UNC5B: variants seen among roughly 807,000 people sequenced by gnomAD.
UNC5B encodes the protein netrin receptor UNC5B.
Under a neutral mutation model 103.7 loss-of-function variants are expected in UNC5B, and 56 were observed. That is an observed-to-expected ratio of 0.54 (90% confidence interval 0.44 to 0.67). UNC5B has a LOEUF of 0.67. Among genes scored for constraint, UNC5B ranks in the 30% least tolerant of loss-of-function variants. The pLI is 0.00. For missense variants in UNC5B, 1,194 were observed against 1,284.5 expected, an observed-to-expected ratio of 0.93 and a Z score of 1.08; for synonymous variants, 577 against 542.0, an observed-to-expected ratio of 1.06 and a Z score of -0.90.
chr10:71,275,407 A>G (rs1432829639), intron 1 of UNC5B, among the ~76,000 whole-genome samples: 2 of 152,240 alleles, frequency 1.3e-5, no homozygotes, highest in Non-Finnish European at 2.9e-5. Context: ...CCAGGGAGGC[A>G]GGGCTGAGAG....
chr10:71,255,976 G>A (rs1361665613), intron 1 of UNC5B, among the ~76,000 whole-genome samples: 2 of 152,210 alleles, frequency 1.3e-5, no homozygotes, highest in African/African-American at 4.8e-5. Flanking sequence ...CATACGCCCT[G>A]GCAGGCTCCG....
intron 1 of UNC5B, among the ~76,000 whole-genome samples, chr10:71,264,648 G>A (rs1047981070): frequency 1.3e-5 from 2 of 152,198 alleles, no homozygotes; most frequent in South Asian, 2.1e-4. Flanking sequence ...TATTTCTGTC[G>A]GGAGGCAAGA....
chr10:71,288,976 A>AC lies in UNC5B; in HGVS notation c.1089dup (p.Asn364GlnfsTer42), dbSNP rs1564511216. 1 of 1,613,608 alleles carries AC rather than the reference A, an allele frequency of 6.2e-7. No individual in the cohort carries two copies. The highest frequency in any genetic ancestry group is 1.3e-5 in the African/African-American group (1 of 74,730). ...TTGACAGATAAGAAAACTCTAAGCG[A>AC]CCCCAACAGCCACCGTAAGTCCCAT... is the stretch of plus-strand genomic sequence containing the variant. On this transcript the variant is annotated frameshift_variant, in exon 8 of 17. Coordinates refer to ENST00000335350, the MANE Select transcript of UNC5B (RefSeq NM_170744.5). LOFTEE classifies it high-confidence loss of function.
At chr10:71,242,893 A>G (rs1381506866) in intron 1 of UNC5B, among the ~76,000 whole-genome samples, 1 of 152,102 alleles carries the variant, frequency 6.6e-6, no homozygotes, top group Non-Finnish European at 1.5e-5. Flanking sequence ...GCCTTCCAGC[A>G]GGTGGGGCCA....
chr10:71,246,501 C>G (rs1844041337), intron 1 of UNC5B, among the ~76,000 whole-genome samples: 1 of 151,982 alleles, frequency 6.6e-6, no homozygotes, highest in Non-Finnish European at 1.5e-5. Context: ...AGCTGTGGGT[C>G]AGAGTCCTAC....
intron 1 of UNC5B, among the ~76,000 whole-genome samples, chr10:71,262,826 C>A (rs1462226610): frequency 6.6e-6 from 1 of 152,178 alleles, no homozygotes; most frequent in Non-Finnish European, 1.5e-5. Flanking sequence ...AGACTGTTGG[C>A]TGCCCACGCA....
chr10:71,302,499 GC>G lies in UNC5B; in HGVS notation c.*3227del. The G allele has an allele frequency of 6.6e-6, 1 of 151,804 alleles. No homozygotes were observed. Among genetic ancestry groups the G allele is most frequent in the Non-Finnish European group, 1.5e-5 (1 of 68,146 alleles). 9.4% of individuals were successfully genotyped at this position (151,804 alleles called of 1,614,324 possible). A position where few individuals can be genotyped will look rare whatever the true frequency, so the allele number is the denominator to read the frequency against. On this transcript the variant is annotated 3_prime_UTR_variant, in exon 17 of 17. Coordinates refer to ENST00000335350, the MANE Select transcript of UNC5B (RefSeq NM_170744.5). ...CTCTCCCTCTGCCTTCTCTCACAGT[GC>G]CCCCGGCTCCAGAGCTCAGGGGTAG...
At chr10:71,289,063 A>T (rs530994309) in intron 8 of UNC5B, 73 bp downstream of exon 8, 1 of 1,608,600 alleles carries the variant, frequency 6.2e-7, no homozygotes. Context: ...TTTTCCCGGG[A>T]TCAGGGTGCA....
intron 8 of UNC5B, 146 bp from the exon 9 acceptor site, chr10:71,290,769 C>A: frequency 1.0e-6 from 1 of 982,468 alleles, no homozygotes; most frequent in Non-Finnish European, 1.5e-6. Context: ...CCCGAGGTTG[C>A]CAGCCTGTGT....
In UNC5B at chr10:71,213,817, A is replaced by G. The variant is rs1011545908; in HGVS notation, c.79+753A>G. Among the ~76,000 whole-genome samples the G allele has an allele frequency of 6.0e-5, 9 of 148,928 alleles. No homozygotes were observed. The highest frequency in any genetic ancestry group is 1.0e-4 in the African/African-American group (4 of 40,074). ...TGCGGAGTTTCCTTTTAAATTGGTC[A>G]CTGACATTCTCGCTGTCCGGGGAAC... On this transcript the variant is annotated intron_variant, in intron 1 of 16. Coordinates refer to ENST00000335350, the MANE Select transcript of UNC5B (RefSeq NM_170744.5). The surrounding 1 kb of genome is among the most constrained non-coding windows in gnomAD (Gnocchi z 4.1).
chr10:71,224,533 T>A (rs920385858), intron 1 of UNC5B, among the ~76,000 whole-genome samples: 3 of 152,230 alleles, frequency 2.0e-5, no homozygotes, highest in African/African-American at 7.2e-5. Flanking sequence ...ATCTGCTTTG[T>A]GACATTGGGC....
At chr10:71,298,624 A>T (rs1845505126) in intron 16 of UNC5B, among the ~76,000 whole-genome samples, 1 of 152,202 alleles carries the variant, frequency 6.6e-6, no homozygotes, top group African/African-American at 2.4e-5. Context: ...ATAAATAAAT[A>T]AAATATGCTT....
chr10:71,291,337 T>G, intron 9 of UNC5B, 95 bp from the exon 10 acceptor site: 4 of 1,515,014 alleles, frequency 2.6e-6, no homozygotes, highest in Non-Finnish European at 3.5e-6. Flanking sequence ...CAATTGGGCC[T>G]TTCACAGCTG....
intron 1 of UNC5B, among the ~76,000 whole-genome samples, chr10:71,238,783 A>G (rs1174660932): frequency 2.6e-5 from 4 of 152,012 alleles, no homozygotes; most frequent in African/African-American, 9.7e-5. Context: ...AAGCTTAATT[A>G]TTATTACTAT....
intron 1 of UNC5B, among the ~76,000 whole-genome samples, chr10:71,271,018 T>C (rs10762433): frequency 0.8 from 121,347 of 152,028 alleles, 48,992 homozygotes; most frequent in Non-Finnish European, 0.86. Flanking sequence ...TGAGGGGGCT[T>C]GCCACCTGTC....
rs534299683 is a variant in UNC5B at position 71,242,317 on chromosome 10, C to T, written c.79+29253C>T. On this transcript the variant is annotated intron_variant, in intron 1 of 16. Coordinates refer to ENST00000335350, the MANE Select transcript of UNC5B (RefSeq NM_170744.5). ...AAGCTGAGGCCCACAGTGCCCAAAA[C>T]GACATGGCCAGAAAGTGGTAGTGCT... is the stretch of plus-strand genomic sequence containing the variant. 1.4e-4 allele frequency among the ~76,000 whole-genome samples: 21 copies of T among 152,336 alleles called. 1 individual carries two copies. The South Asian group carries it at 1.9e-3, about 14-fold the overall frequency.
At chr10:71,225,275 C>T (rs189668972) in intron 1 of UNC5B, among the ~76,000 whole-genome samples, 59 of 152,184 alleles carry the variant, frequency 3.9e-4, no homozygotes, top group Non-Finnish European at 6.9e-4. Context: ...CCACGGGGGT[C>T]GCTGATCTGA....
intron 15 of UNC5B, among the ~76,000 whole-genome samples, chr10:71,297,095 G>A (rs762055528): frequency 6.6e-6 from 1 of 152,236 alleles, no homozygotes; most frequent in Non-Finnish European, 1.5e-5. Context: ...TGGAGGTGAG[G>A]GCCAGAGGAT....
At chr10:71,249,485 G>A (rs1029145473) in intron 1 of UNC5B, among the ~76,000 whole-genome samples, 1 of 152,248 alleles carries the variant, frequency 6.6e-6, no homozygotes. Context: ...AGCTTGTTAA[G>A]CTGGGTTGGG....
Sources: allele counts gnomAD v4.1 joint callset (sites outside exome capture counted in the v4.1 genomes callset), GRCh38; gene constraint gnomAD v4.1.1; non-coding constraint Gnocchi (gnomAD v3.1); transcripts MANE v1.5; gene names NCBI Gene and HGNC (gene_info 2026-07-23, HGNC 2026-07-21).